LRP12: variants seen among roughly 807,000 people sequenced by gnomAD.
LRP12 encodes the protein LDL receptor related protein 12, also known as low-density lipoprotein receptor-related protein 12.
A neutral mutation model predicts 66.0 loss-of-function variants in LRP12; 14 were observed. The ratio of observed to expected loss-of-function variants is 0.21; its 90% CI spans 0.14 to 0.33. The LOEUF (loss-of-function observed/expected upper bound fraction) is 0.33. LRP12 is among the 10% of genes least tolerant of loss of function. LRP12 has a pLI of 1.00. For missense variants in LRP12, 889 were observed against 1,053.4 expected (o/e 0.84, Z 2.16); for synonymous variants, 357 against 359.1 (o/e 0.99, Z 0.07).
intron 6 of LRP12, among the ~76,000 whole-genome samples, chr8:104,491,851 C>T (rs1810637378): frequency 6.6e-6 from 1 of 151,910 alleles, no homozygotes; most frequent in Non-Finnish European, 1.5e-5. Context: ...CATCGTAATC[C>T]AACATGAAAA....
chr8:104,513,629 GACTACCCAGACTTGGAACTGT>G (rs1288864566), intron 2 of LRP12, among the ~76,000 whole-genome samples: 4 of 152,052 alleles, frequency 2.6e-5, no homozygotes, highest in Non-Finnish European at 5.9e-5. Flanking sequence ...ACCTGACACT[GACTACCCAGACTTGGAACTGT>G]ACTACCCAGA....
chr8:104,527,650 G>C (rs1308754639), intron 2 of LRP12, among the ~76,000 whole-genome samples: 1 of 152,030 alleles, frequency 6.6e-6, no homozygotes, highest in Non-Finnish European at 1.5e-5. Flanking sequence ...CATGGACACA[G>C]GAAGGGGAAC....
chr8:104,562,064 A>T (rs1811917682), intron 1 of LRP12, among the ~76,000 whole-genome samples: 1 of 152,164 alleles, frequency 6.6e-6, no homozygotes, highest in Non-Finnish European at 1.5e-5. Flanking sequence ...CAGAAGCGTA[A>T]AGTAGTATAA....
intron 3 of LRP12, among the ~76,000 whole-genome samples, chr8:104,502,613 G>C (rs1167493802): frequency 2.0e-5 from 3 of 152,146 alleles, no homozygotes; most frequent in Non-Finnish European, 4.4e-5. Flanking sequence ...GAACTGGTAG[G>C]AAACAAGCCT....
rs932971922 is a variant in LRP12 at position 104,489,489 on chromosome 8, AAT to A, written c.*1182_*1183del. ...ATAAACCGCAACTGACAGTAAAAAA[AAT>A]ATGTTGGGTTTTGCAATTCACACTA... is the stretch of plus-strand genomic sequence containing the variant. On this transcript the variant is annotated 3_prime_UTR_variant, in exon 7 of 7. Coordinates refer to ENST00000276654, the MANE Select transcript of LRP12 (RefSeq NM_013437.5). The A allele has an allele frequency of 2.6e-5, 4 of 152,574 alleles. No individual in the cohort carries two copies. Among genetic ancestry groups the A allele is most frequent in the Non-Finnish European group, 5.9e-5 (4 of 68,010 alleles). 9.5% of individuals were successfully genotyped at this position (152,574 alleles called of 1,614,324 possible).
At chr8:104,491,570 T>C (rs774734932) in intron 6 of LRP12, 31 bp from the exon 7 acceptor site, 1 of 1,471,704 alleles carries the variant, frequency 6.8e-7, no homozygotes, top group Non-Finnish European at 9.1e-7. Context: ...CTTAAGATAG[T>C]TAACAACAAG....
rs770249142 is a variant in LRP12, at chr8:104,497,106, T to C, written c.1446A>G (p.Glu482=). ...TAGGCACGATTACTGGGCAATTTTC[T>C]TCATCGCTGCCATCACCACAGTCAT... ...SQDDCGDGSD[E]ENCPVIVPTR... is the part of the protein sequence containing the mutation. The change falls in exon 5 of 7, where the codon GAA becomes GAG. Residue 482 remains glutamate (E), a synonymous_variant. Transcript: ENST00000276654. The surrounding 1 kb of genome is among the most constrained non-coding windows in gnomAD (Gnocchi z 4.3). 3.7e-6 allele frequency: 6 copies of C among 1,613,548 alleles called. No individual in the cohort carries two copies. The African/African-American group carries it at 6.7e-5, about 18-fold the overall frequency.
At chr8:104,552,245 G>A (rs913896086) in intron 1 of LRP12, among the ~76,000 whole-genome samples, 7 of 151,576 alleles carry the variant, frequency 4.6e-5, no homozygotes, top group African/African-American at 1.7e-4. Flanking sequence ...TTTAGAACTT[G>A]TTGGGGATGG....
chr8:104,504,167 A>G (rs1451107840), intron 3 of LRP12: 2 of 151,344 alleles, frequency 1.3e-5, no homozygotes, highest in Non-Finnish European at 2.9e-5. Flanking sequence ...ATTAACATAA[A>G]ACTGCTTATA....
chr8:104,530,298 C>G (rs536333677), intron 2 of LRP12, among the ~76,000 whole-genome samples: 1 of 152,274 alleles, frequency 6.6e-6, no homozygotes, highest in South Asian at 2.1e-4. Context: ...GAAGCCCTAA[C>G]TCCCAATGTG....
intron 1 of LRP12, among the ~76,000 whole-genome samples, chr8:104,547,486 TAA>T (rs1180072523): frequency 4.5e-5 from 6 of 133,998 alleles, no homozygotes; most frequent in Non-Finnish European, 7.6e-5. Context: ...ATACAATATA[TAA>T]TTCTGTTATA....
At chr8:104,547,752 A>C (rs543594063) in intron 1 of LRP12, among the ~76,000 whole-genome samples, 1 of 127,842 alleles carries the variant, frequency 7.8e-6, no homozygotes, top group Non-Finnish European at 1.6e-5. Context: ...ATAATCATAT[A>C]TAATATATAA....
chr8:104,562,537 CTCATT>C (rs1811928922), intron 1 of LRP12, among the ~76,000 whole-genome samples: 1 of 152,146 alleles, frequency 6.6e-6, no homozygotes, highest in Non-Finnish European at 1.5e-5. Flanking sequence ...AGTATGAATG[CTCATT>C]TCATTAAACA....
rs1289257246 is a variant in LRP12, at chr8:104,497,115, G to A, written c.1437C>T (p.Gly479=). ...VCDSQDDCGD[G]SDEENCPVIV... is the part of the protein sequence containing the mutation. Reference sequence around the variant, plus strand: ...TTACTGGGCAATTTTCTTCATCGCTGCCATCACCACAGTCATCTTGAGAAT... The same window carrying A: ...TTACTGGGCAATTTTCTTCATCGCTACCATCACCACAGTCATCTTGAGAAT... Residue 479 remains glycine (G), a synonymous_variant, in exon 5 of 7, where the codon GGC becomes GGT. Transcript: ENST00000276654. This position sits in a 1 kb window ranked among gnomAD's most constrained non-coding sequence, Gnocchi z 4.3. 6.2e-7 allele frequency: 1 copy of A among 1,613,380 alleles called. No homozygotes were observed. Among genetic ancestry groups the A allele is most frequent in the South Asian group, 1.1e-5 (1 of 90,928 alleles).
intron 1 of LRP12, among the ~76,000 whole-genome samples, chr8:104,552,381 T>TG (rs1811741104): frequency 6.6e-6 from 1 of 151,708 alleles, no homozygotes; most frequent in Admixed American, 6.6e-5. Context: ...TGTTGTTTTT[T>TG]TTTTTTTGCC....
At chr8:104,515,926 T>A (rs76008240) in intron 2 of LRP12, among the ~76,000 whole-genome samples, 4,653 of 152,294 alleles carry the variant, frequency 0.031, 238 homozygotes, top group African/African-American at 0.11. Flanking sequence ...TTACTATTTT[T>A]ATTTTTTTAT....
chr8:104,500,717 C>A (rs1033394346), intron 3 of LRP12, among the ~76,000 whole-genome samples: 2 of 150,852 alleles, frequency 1.3e-5, no homozygotes, highest in East Asian at 3.8e-4. Flanking sequence ...AAAACAAAAC[C>A]AAACAAAACC....
At chr8:104,516,308 C>G (rs1024360072) in intron 2 of LRP12, among the ~76,000 whole-genome samples, 2 of 151,558 alleles carry the variant, frequency 1.3e-5, no homozygotes, top group African/African-American at 4.8e-5. Flanking sequence ...CCCACAAAAG[C>G]CTATTTAATT....
chr8:104,520,569 TCAAGGGTGGTACCCAGAAATAAA>T (rs2140852952), intron 2 of LRP12, among the ~76,000 whole-genome samples: 1 of 152,172 alleles, frequency 6.6e-6, no homozygotes, highest in East Asian at 1.9e-4. Flanking sequence ...GTGTCTTTTG[TCAAGGGTGGTACCCAGAAATAAA>T]CAATACCAGA....
Sources: gnomAD v4.1 joint callset for allele counts (sites outside exome capture counted in the v4.1 genomes callset) on GRCh38, gnomAD v4.1.1 for gene constraint, Gnocchi (gnomAD v3.1) non-coding constraint, MANE v1.5 for transcripts, NCBI Gene and HGNC (gene_info 2026-07-23, HGNC 2026-07-21) for gene names.